Variants in ADAM29 observed in about 807,000 individuals in gnomAD.
ADAM29 encodes the protein disintegrin and metalloproteinase domain-containing protein 29.
For missense variants in ADAM29, 969 were observed against 1,001.8 expected (o/e 0.97, Z 0.44); for synonymous variants, 367 against 342.3 (o/e 1.07, Z -0.80).
chr4:174,966,379 T>A (rs548306527), intron 4 of ADAM29, among the ~76,000 whole-genome samples: 3 of 152,272 alleles, frequency 2.0e-5, no homozygotes, highest in Admixed American at 2.0e-4. Flanking sequence ...TAAGCATTTT[T>A]AAAATCAGAT....
At chr4:174,925,085 C>G (rs929713052) in intron 2 of ADAM29, among the ~76,000 whole-genome samples, 2 of 152,132 alleles carry the variant, frequency 1.3e-5, no homozygotes, top group Admixed American at 6.6e-5. Flanking sequence ...CCCAGTACTC[C>G]TCAAGATTGT....
chr4:174,957,033 C>T lies in ADAM29; in HGVS notation c.-180-18313C>T, dbSNP rs115211827. The stretch of plus-strand genomic sequence containing the variant: ...CGTGCATCCAAACATGCAAATAATA[C>T]TTAAGCCATTTTCTTTTATAAATCA... On this transcript the variant is annotated intron_variant, in intron 4 of 4. Transcript: ENST00000359240. Among the ~76,000 whole-genome samples, 525 of 152,008 alleles carry T rather than the reference C, an allele frequency of 3.5e-3. 2 individuals carry two copies. Among genetic ancestry groups the T allele is most frequent in the Non-Finnish European group, 6.0e-3 (405 of 67,800 alleles).
At chr4:174,926,521 AAAC>A (rs1336788776) in intron 2 of ADAM29, among the ~76,000 whole-genome samples, 82 of 152,202 alleles carry the variant, frequency 5.4e-4, no homozygotes. Context: ...ACAATGTTAA[AAAC>A]AAGCTGACCG....
chr4:174,953,768 T>C (rs1357933105), intron 4 of ADAM29, among the ~76,000 whole-genome samples: 2 of 152,174 alleles, frequency 1.3e-5, no homozygotes, highest in South Asian at 4.1e-4. Flanking sequence ...TGGAGTGCCA[T>C]GATGCCATCT....
chr4:174,977,834 C>A lies in ADAM29; in HGVS notation c.2309C>A (p.Pro770His). 6 of 1,585,676 alleles carry A rather than the reference C, an allele frequency of 3.8e-6. No homozygotes were observed. Among genetic ancestry groups the A allele is most frequent in the Admixed American group, 1.7e-5 (1 of 58,078 alleles). ...CCTGTGACACCCTCCCAGAGTCAACCTCGGGTGATGCCTTCTCAGAGTCAA... is the reference window on the plus strand; with the variant it reads ...CCTGTGACACCCTCCCAGAGTCAACATCGGGTGATGCCTTCTCAGAGTCAA... ...QPPVTPSQSQ[P>H]RVMPSQSQPP... The change falls in exon 5 of 5, where the codon CCT becomes CAT. Residue 770 changes from proline (P) to histidine (H), a missense_variant. Coordinates refer to ENST00000359240, the MANE Select transcript of ADAM29 (RefSeq NM_014269.4).
intron 2 of ADAM29, among the ~76,000 whole-genome samples, chr4:174,926,264 G>T (rs913373919): frequency 3.3e-5 from 5 of 151,982 alleles, no homozygotes; most frequent in African/African-American, 9.7e-5. Flanking sequence ...TATCGATAAC[G>T]CTTCAAATTG....
intron 4 of ADAM29, among the ~76,000 whole-genome samples, chr4:174,949,404 T>C (rs1560875923): frequency 6.6e-6 from 1 of 152,184 alleles, no homozygotes; most frequent in Non-Finnish European, 1.5e-5. Flanking sequence ...AGCAGATCTT[T>C]CTGCCAGCTC....
chr4:174,942,200 G>A lies in ADAM29; in HGVS notation c.-181+5187G>A, dbSNP rs112393439. ...ATTGAGTGCTGCAGCTTTTCCAAGCGCATGGTGAAAGCTGTTGGGGGATCT... is the reference window on the plus strand; with the variant it reads ...ATTGAGTGCTGCAGCTTTTCCAAGCACATGGTGAAAGCTGTTGGGGGATCT... On this transcript the variant is annotated intron_variant, in intron 4 of 4. Coordinates refer to ENST00000359240, the MANE Select transcript of ADAM29 (RefSeq NM_014269.4). Among the ~76,000 whole-genome samples, 1,318 of 152,238 alleles carry A rather than the reference G, an allele frequency of 8.7e-3. 13 individuals are homozygous for A. The highest frequency in any genetic ancestry group is 0.024 in the Middle Eastern group (7 of 294).
chr4:174,933,534 A>G (rs1338160028), intron 3 of ADAM29, among the ~76,000 whole-genome samples: 2 of 152,164 alleles, frequency 1.3e-5, no homozygotes, highest in Non-Finnish European at 1.5e-5. Flanking sequence ...ATAGGTAAAC[A>G]TATGTCACAG....
At chr4:174,929,953 G>C (rs1210056218) in intron 2 of ADAM29, among the ~76,000 whole-genome samples, 1 of 151,970 alleles carries the variant, frequency 6.6e-6, no homozygotes, top group Non-Finnish European at 1.5e-5. Context: ...TTTTGGGACA[G>C]AGCCTCAGTC....
At chr4:174,955,062 G>A (rs1350392377) in intron 4 of ADAM29, among the ~76,000 whole-genome samples, 5 of 145,712 alleles carry the variant, frequency 3.4e-5, no homozygotes, top group Admixed American at 6.9e-5. Flanking sequence ...TAAAATGTAT[G>A]TTAGTAATAG....
chr4:174,923,993 C>T (rs972499701), intron 2 of ADAM29: 18 of 152,188 alleles, frequency 1.2e-4, no homozygotes, highest in African/African-American at 3.9e-4. Flanking sequence ...ATTCTTTGAG[C>T]TCAATCTTCT....
At chr4:174,962,639 C>T (rs1560885884) in intron 4 of ADAM29, among the ~76,000 whole-genome samples, 1 of 151,662 alleles carries the variant, frequency 6.6e-6, no homozygotes, top group African/African-American at 2.4e-5. Flanking sequence ...GTGTTTTCAC[C>T]ACAAAAATGA....
chr4:174,943,469 G>A (rs928191885), intron 4 of ADAM29, among the ~76,000 whole-genome samples: 5 of 152,134 alleles, frequency 3.3e-5, no homozygotes, highest in African/African-American at 1.2e-4. Flanking sequence ...TGACAACTAT[G>A]GTGGAAGGCA....
intron 4 of ADAM29, among the ~76,000 whole-genome samples, chr4:174,966,364 T>G (rs1019212775): frequency 3.3e-5 from 5 of 152,138 alleles, no homozygotes; most frequent in African/African-American, 9.7e-5. Context: ...ATTCAAAGCT[T>G]CTTCTAAGCA....
chr4:174,920,519 A>T (rs996808175), intron 1 of ADAM29, among the ~76,000 whole-genome samples, 168 bp from the exon 2 acceptor site: 76 of 152,162 alleles, frequency 5.0e-4, no homozygotes, highest in African/African-American at 1.8e-3. Context: ...TAATTAAAGC[A>T]TGCCCAGAAA....
chr4:174,967,851 T>C (rs1746239583), intron 4 of ADAM29, among the ~76,000 whole-genome samples: 1 of 152,204 alleles, frequency 6.6e-6, no homozygotes, highest in African/African-American at 2.4e-5. Flanking sequence ...ATATGCTTTC[T>C]CCAGTATAGA....
At chr4:174,934,316 A>G (rs926430492) in intron 3 of ADAM29, among the ~76,000 whole-genome samples, 1 of 152,100 alleles carries the variant, frequency 6.6e-6, no homozygotes, top group African/African-American at 2.4e-5. Context: ...TTGATATACC[A>G]GCATTATTAT....
At chr4:174,939,887 T>C (rs976462134) in intron 4 of ADAM29, among the ~76,000 whole-genome samples, 1 of 152,082 alleles carries the variant, frequency 6.6e-6, no homozygotes, top group Non-Finnish European at 1.5e-5. Flanking sequence ...CACAAGTCAG[T>C]GTTGCAAATT....
Sources: gnomAD v4.1 joint callset for allele counts (sites outside exome capture counted in the v4.1 genomes callset) on GRCh38, gnomAD v4.1.1 for gene constraint, MANE v1.5 for transcripts, NCBI Gene and HGNC (gene_info 2026-07-23, HGNC 2026-07-21) for gene names.